Variants in ANKS1A observed in about 807,000 individuals in gnomAD.
ANKS1A encodes ankyrin repeat and sterile alpha motif domain containing 1A, also known as ankyrin repeat and SAM domain-containing protein 1A.
Under a neutral mutation model 120.3 loss-of-function variants are expected in ANKS1A, and 55 were observed. The ratio of observed to expected loss-of-function variants is 0.46; its 90% CI spans 0.37 to 0.57. The LOEUF is 0.57. Among genes scored for constraint, ANKS1A ranks in the 20% least tolerant of loss-of-function variants. The probability of loss-of-function intolerance (pLI) is 0.00; values close to 1 mark genes in which losing one functional copy is unlikely to be tolerated. For missense variants in ANKS1A, 1,123 were observed against 1,480.3 expected, an observed-to-expected ratio of 0.76 and a Z score of 3.96; for synonymous variants, 590 against 604.7, an observed-to-expected ratio of 0.98 and a Z score of 0.36.
rs188476357 is a variant in ANKS1A at position 34,983,361 on chromosome 6, T to G, written c.948T>G (p.Asp316Glu). 6.2e-7 allele frequency: 1 copy of G among 1,613,904 alleles called. No individual in the cohort carries two copies. Among genetic ancestry groups the G allele is most frequent in the South Asian group, 1.1e-5 (1 of 91,064 alleles). The part of the protein sequence containing the change: ...MTGKRSTKEV[D>E]KTPPPQPPLI... The stretch of plus-strand genomic sequence containing the variant: ...GAAAAAGAAGTACAAAAGAAGTAGA[T>G]AAAACCCCCCCACCCCAGCCACCTC... Residue 316 changes from aspartate (D) to glutamate (E), a missense_variant, in exon 7 of 24, where the codon GAT (aspartate) becomes GAG (glutamate). Coordinates refer to ENST00000360359, the MANE Select transcript of ANKS1A (RefSeq NM_015245.3).
rs1290137407 is a variant in ANKS1A at position 34,889,535 on chromosome 6, G to GGCGGCA, written c.139_144dup (p.Ser47_Gly48dup). 9.5e-5 allele frequency: 121 copies of GGCGGCA among 1,269,242 alleles called. No individual in the cohort carries two copies. In the Middle Eastern group the frequency reaches 1.8e-3, roughly 19 times the overall value. The allele number at this position is 1,269,242 out of a possible 1,614,324, so 78.6% of individuals were successfully genotyped here. A position where few individuals can be genotyped will look rare whatever the true frequency, so the allele number is the denominator to read the frequency against. On this transcript the variant is annotated inframe_insertion, in exon 1 of 24. Transcript: ENST00000360359. The surrounding 1 kb of genome is among the most constrained non-coding windows in gnomAD (Gnocchi z 5.5). The stretch of plus-strand genomic sequence containing the variant: ...CGGCGGTGGCTCTGGGGGCGGCGGC[G>GGCGGCA]GCGGCAGCGGCGGCGGCGGCGGCGG...
intron 10 of ANKS1A, among the ~76,000 whole-genome samples, chr6:35,012,343 GA>G (rs1012705755): frequency 3.9e-5 from 6 of 152,230 alleles, no homozygotes; most frequent in South Asian, 4.1e-4. Context: ...GCAAGTGTCT[GA>G]ATAACTTGGT....
intron 9 of ANKS1A, among the ~76,000 whole-genome samples, chr6:34,993,024 G>A (rs1313547936): frequency 6.6e-6 from 1 of 152,116 alleles, no homozygotes; most frequent in African/African-American, 2.4e-5. Flanking sequence ...CACATTTTTA[G>A]GGTAGCATTA....
At chr6:35,013,559 C>T (rs549923070) in intron 10 of ANKS1A, among the ~76,000 whole-genome samples, 8 of 152,258 alleles carry the variant, frequency 5.3e-5, no homozygotes, top group South Asian at 2.1e-4. Flanking sequence ...GCTCCCAAAG[C>T]GTTGGGATTA....
chr6:35,075,182 A>G (rs764448958), intron 13 of ANKS1A, among the ~76,000 whole-genome samples: 4 of 152,254 alleles, frequency 2.6e-5, no homozygotes, highest in Admixed American at 2.6e-4. Context: ...AGATTTAGCT[A>G]TAAAAAAGGA....
At chr6:35,025,092 C>T (rs1360525653) in intron 11 of ANKS1A, among the ~76,000 whole-genome samples, 1 of 152,052 alleles carries the variant, frequency 6.6e-6, no homozygotes, top group Non-Finnish European at 1.5e-5. Flanking sequence ...CTAGATGAAA[C>T]ACCCTTTATA....
Position 35,024,422 on chromosome 6 carries a change from C to A in ANKS1A, c.2010+6363C>A, listed in dbSNP as rs535185666. On this transcript the variant is annotated intron_variant, in intron 11 of 23. Transcript: ENST00000360359. ...AAAACCACAGAAGGCTGTTTGTCTACTTAGCATAAACATTGGAGTCATTTA... is the reference window on the plus strand; with the variant it reads ...AAAACCACAGAAGGCTGTTTGTCTAATTAGCATAAACATTGGAGTCATTTA... Among the ~76,000 whole-genome samples, 7 of 152,346 alleles carry A rather than the reference C, an allele frequency of 4.6e-5. No homozygotes were observed. In the East Asian group the frequency reaches 1.4e-3, roughly 29 times the overall value.
chr6:34,958,704 C>A (rs1226592778), intron 1 of ANKS1A, among the ~76,000 whole-genome samples: 1 of 152,180 alleles, frequency 6.6e-6, no homozygotes, highest in Non-Finnish European at 1.5e-5. Flanking sequence ...TATGCTCCAG[C>A]CACTCGTAGT....
intron 9 of ANKS1A, among the ~76,000 whole-genome samples, chr6:34,991,378 T>C (rs1484843028): frequency 6.6e-6 from 1 of 152,060 alleles, no homozygotes; most frequent in Non-Finnish European, 1.5e-5. Flanking sequence ...TGCTCAGATA[T>C]GCTAAATATT....
At chr6:34,894,335 A>C (rs1766970002) in intron 1 of ANKS1A, among the ~76,000 whole-genome samples, 1 of 152,180 alleles carries the variant, frequency 6.6e-6, no homozygotes, top group Non-Finnish European at 1.5e-5. Flanking sequence ...AAAGGCCAAA[A>C]AGATCTGAGA....
intron 11 of ANKS1A, among the ~76,000 whole-genome samples, chr6:35,021,797 C>A (rs1774355827): frequency 6.6e-6 from 1 of 151,934 alleles, no homozygotes; most frequent in South Asian, 2.1e-4. Context: ...ACCAGCCTGG[C>A]CAACATGGTG....
chr6:35,042,237 C>T (rs979592902), intron 11 of ANKS1A, among the ~76,000 whole-genome samples: 1 of 152,092 alleles, frequency 6.6e-6, no homozygotes, highest in African/African-American at 2.4e-5. Context: ...AAGAGGATAT[C>T]GACACAGGAA....
rs10456428 is a variant in ANKS1A, at chr6:35,044,525, C to T, written c.2011-9574C>T. Among the ~76,000 whole-genome samples the T allele has an allele frequency of 0.18, 27,412 of 152,178 alleles. 2,654 individuals are homozygous for T. The highest frequency in any genetic ancestry group is 0.22 in the Non-Finnish European group (14,920 of 67,968). ...GCAGGCCTGAGTTGAGACCCTGTTC[C>T]CTCTCCTCACTTTGGTATTGTCTTG... On this transcript the variant is annotated intron_variant, in intron 11 of 23. Transcript: ENST00000360359. This position sits in a 1 kb window ranked among gnomAD's most constrained non-coding sequence, Gnocchi z 4.4.
chr6:35,022,900 A>G (rs538760175), intron 11 of ANKS1A, among the ~76,000 whole-genome samples: 1 of 152,336 alleles, frequency 6.6e-6, no homozygotes, highest in South Asian at 2.1e-4. Flanking sequence ...TCAGATCGTC[A>G]TTCTAAAAAG....
chr6:34,969,457 G>A (rs1046141999), intron 2 of ANKS1A, among the ~76,000 whole-genome samples: 1 of 152,140 alleles, frequency 6.6e-6, no homozygotes, highest in African/African-American at 2.4e-5. Flanking sequence ...CTTTCGCCAT[G>A]TTGGCCAGGC....
intron 1 of ANKS1A, among the ~76,000 whole-genome samples, chr6:34,916,586 G>A (rs1350732492): frequency 5.3e-5 from 8 of 152,258 alleles, no homozygotes; most frequent in African/African-American, 1.9e-4. Flanking sequence ...TGAACTGCCA[G>A]GTTTGCCAGA....
In ANKS1A at chr6:34,896,012, C is replaced by T. The variant is rs1028058888; in HGVS notation, c.197+6413C>T. 3.3e-5 allele frequency among the ~76,000 whole-genome samples: 5 copies of T among 150,998 alleles called. No homozygotes were observed. The East Asian group carries it at 7.8e-4, about 23-fold the overall frequency. ...AACTCCTGAGCTCAGGCAGTCTACCCTCAGCCTCCGGAAGTGCTAGGATTA... is the reference window on the plus strand; with the variant it reads ...AACTCCTGAGCTCAGGCAGTCTACCTTCAGCCTCCGGAAGTGCTAGGATTA... On this transcript the variant is annotated intron_variant, in intron 1 of 23. Coordinates refer to ENST00000360359, the MANE Select transcript of ANKS1A (RefSeq NM_015245.3).
intron 10 of ANKS1A, among the ~76,000 whole-genome samples, chr6:35,014,999 T>C (rs1049313052): frequency 1.3e-5 from 2 of 152,232 alleles, no homozygotes; most frequent in African/African-American, 2.4e-5. Flanking sequence ...CCAGTTGTTA[T>C]ATGTAATATT....
In ANKS1A at chr6:34,983,420, C is replaced by T; in HGVS notation, c.1007C>T (p.Ser336Phe). The change falls in exon 7 of 24, where the codon TCT (serine) becomes TTT (phenylalanine). Residue 336 changes from serine to phenylalanine, a missense_variant. Physicochemically the swap from Ser to Phe is radical, Grantham distance 155 (BLOSUM62 -2). Around this residue, in one of 3 missense-constraint regions of ANKS1A, gnomAD observed 904 missense variants for 1,130.4 expected, o/e 0.80. Transcript: ENST00000360359. ...AGTATGGACTCCATATCACAGAAGT[C>T]TCAGGGTAAGGTAACTCTCCCCTAT... The part of the protein sequence containing the change: ...ISSMDSISQK[S>F]QGDVEKAVTE... The T allele has an allele frequency of 6.2e-7, 1 of 1,613,200 alleles. No homozygotes were observed. Among genetic ancestry groups the T allele is most frequent in the East Asian group, 2.2e-5 (1 of 44,878 alleles).
Sources: allele counts gnomAD v4.1 joint callset (sites outside exome capture counted in the v4.1 genomes callset), GRCh38; gene constraint gnomAD v4.1.1; regional missense constraint gnomAD v4.1.1; non-coding constraint Gnocchi (gnomAD v3.1); transcripts MANE v1.5; gene names NCBI Gene and HGNC (gene_info 2026-07-23, HGNC 2026-07-21).